The following ASB10 variants were observed in gnomAD, a reference collection of about 807,000 sequenced individuals.
The protein encoded by ASB10 is ankyrin repeat and SOCS box protein 10.
In ASB10, 44 loss-of-function variants were observed where a neutral mutation model predicts 35.4. The observed-to-expected ratio is 1.24, with a 90% CI of 0.98 to 1.60. The LOEUF (loss-of-function observed/expected upper bound fraction) is 1.60, where lower values mean the gene tolerates loss of function less well. Ranked by LOEUF, ASB10 falls within the 40% of genes most tolerant of loss-of-function variation. The pLI is 0.00. For missense variants in ASB10, 647 were observed against 634.3 expected (o/e 1.02, Z -0.22); for synonymous variants, 294 against 280.4 (o/e 1.05, Z -0.49).
chr7:151,176,406 A>G, intron 4 of ASB10, 109 bp from the exon 5 acceptor site: 1 of 1,463,744 alleles, frequency 6.8e-7, no homozygotes, highest in South Asian at 1.4e-5. Flanking sequence ...GAAGGAACCT[A>G]TTAGAAACAA....
Position 151,181,236 on chromosome 7 carries a change from G to A in ASB10, c.807C>T (p.Thr269=). The A allele has an allele frequency of 6.2e-7, 1 of 1,613,054 alleles. No homozygotes were observed. Among genetic ancestry groups the A allele is most frequent in the East Asian group, 2.2e-5 (1 of 44,884 alleles). Residue 269 remains threonine (T), a synonymous_variant, in exon 3 of 6, where the codon ACC becomes ACT. Transcript: ENST00000420175. The stretch of plus-strand genomic sequence containing the variant: ...TGCACAGCTGCAGGCAGCGGGCGGT[G>A]GTGGCCTCGGCATCGGTGATGGACT... The part of the protein sequence containing the change: ...RCQSITDAEA[T]TARCLQLCSL...
intron 3 of ASB10, 85 bp from the exon 4 acceptor site, chr7:151,176,761 T>G (rs566082040): frequency 5.6e-5 from 54 of 972,806 alleles, no homozygotes; most frequent in Non-Finnish European, 7.2e-5. Flanking sequence ...GGGTTGAACT[T>G]TGTTCCCCAA....
Position 151,186,647 on chromosome 7 carries a change from A to G in ASB10, c.329T>C (p.Leu110Pro), listed in dbSNP as rs1452628654. The G allele has an allele frequency of 3.1e-6, 5 of 1,609,614 alleles. No homozygotes were observed. The highest frequency in any genetic ancestry group is 4.2e-6 in the Non-Finnish European group (5 of 1,178,002). The change falls in exon 2 of 6, where the codon CTG becomes CCG. Residue 110 changes from leucine to proline, a missense_variant. Coordinates refer to ENST00000420175, the MANE Select transcript of ASB10 (RefSeq NM_001142459.2). ...FNIRALRLWS[L>P]TYEEELTTPL... is the part of the protein sequence containing the mutation. ...GGTGGTCAGCTCCTCTTCGTATGTCAGAGACCAGAGTCCTAGGGAGGGGAG... is the reference window on the plus strand; with the variant it reads ...GGTGGTCAGCTCCTCTTCGTATGTCGGAGACCAGAGTCCTAGGGAGGGGAG...
chr7:151,186,373 G>A lies in ASB10; in HGVS notation c.584+19C>T, dbSNP rs1036918501. The stretch of plus-strand genomic sequence containing the variant: ...TCCCTTCAGAGTGGAACTGGGGGTT[G>A]GGGTGAGGGGTCACTCACTCAAGGG... On this transcript the variant is annotated intron_variant, in intron 2 of 5. Coordinates refer to ENST00000420175, the MANE Select transcript of ASB10 (RefSeq NM_001142459.2). 2 of 1,567,886 alleles carry A rather than the reference G, an allele frequency of 1.3e-6. No individual in the cohort carries two copies. Among genetic ancestry groups the A allele is most frequent in the African/African-American group, 2.7e-5 (2 of 74,068 alleles).
intron 4 of ASB10, 117 bp from the exon 5 acceptor site, chr7:151,176,414 C>A (rs973687404): frequency 1.4e-6 from 2 of 1,461,264 alleles, no homozygotes; most frequent in Admixed American, 2.6e-5. Context: ...CTATTAGAAA[C>A]AATGAATGTT....
chr7:151,181,429 G>C lies in ASB10; in HGVS notation c.614C>G (p.Ala205Gly), dbSNP rs375044701. Residue 205 changes from alanine to glycine, a missense_variant, in exon 3 of 6, where the codon GCG (alanine) becomes GGG (glycine). Ala to Gly is a moderately conservative substitution (Grantham distance 60). Transcript: ENST00000420175. ...TTCCTCGGACCGACCATCCACTCTC[G>C]CTCCAAACCTGAGGAGCAGCTCCGC... ...ECAELLLRFG[A>G]RVDGRSEEEE... 1.2e-6 allele frequency: 2 copies of C among 1,603,306 alleles called. No homozygotes were observed. Among genetic ancestry groups the C allele is most frequent in the African/African-American group, 1.3e-5 (1 of 74,698 alleles).
At chr7:151,184,344 C>T (rs975149048) in intron 2 of ASB10, among the ~76,000 whole-genome samples, 3 of 149,852 alleles carry the variant, frequency 2.0e-5, no homozygotes, top group South Asian at 2.1e-4. Context: ...ACCCGGGAGG[C>T]GGAGCTTGCA....
intron 3 of ASB10, among the ~76,000 whole-genome samples, chr7:151,179,267 C>T (rs999284526): frequency 1.7e-4 from 26 of 152,220 alleles, no homozygotes; most frequent in Admixed American, 5.2e-4. Context: ...GGAGATTCAG[C>T]GACTTGCCGA....
intron 3 of ASB10, among the ~76,000 whole-genome samples, chr7:151,179,526 C>T (rs530539013): frequency 6.6e-6 from 1 of 152,328 alleles, no homozygotes; most frequent in Admixed American, 6.5e-5. Context: ...GCATCAAAGT[C>T]ACATCCTGGA....
Position 151,176,199 on chromosome 7 carries a change from G to T in ASB10, c.1317C>A (p.Gly439=). The T allele has an allele frequency of 6.2e-7, 1 of 1,610,574 alleles. No homozygotes were observed. Among genetic ancestry groups the T allele is most frequent in the Non-Finnish European group, 8.5e-7 (1 of 1,179,242 alleles). Residue 439 remains glycine (G), a synonymous_variant, in exon 5 of 6, where the codon GGC becomes GGA. Transcript: ENST00000420175. Reference sequence around the variant, plus strand: ...GGCGGGGCAGCGCTTGGGGCAGGCTGCCCTCCAGGTGGGAGCGGAGCGCAC... The same window carrying T: ...GGCGGGGCAGCGCTTGGGGCAGGCTTCCCTCCAGGTGGGAGCGGAGCGCAC... ...SRCALRSHLE[G]SLPQALPRLP...
At chr7:151,183,389 G>A (rs1259593950) in intron 2 of ASB10, among the ~76,000 whole-genome samples, 1 of 152,176 alleles carries the variant, frequency 6.6e-6, no homozygotes, top group Non-Finnish European at 1.5e-5. Context: ...CTAGGTGACT[G>A]AGAGAGACCC....
chr7:151,179,430 G>T (rs142803769), intron 3 of ASB10, among the ~76,000 whole-genome samples: 1 of 152,224 alleles, frequency 6.6e-6, no homozygotes, highest in Non-Finnish European at 1.5e-5. Flanking sequence ...TGCTCCGACT[G>T]TTCCCCAGTG....
At position 151,176,075 on chromosome 7, in the gene ASB10, C is replaced by T. The variant is rs1174892602; in HGVS notation, c.*37G>A. 3.1e-6 allele frequency: 5 copies of T among 1,601,726 alleles called. No homozygotes were observed. In the Admixed American group the frequency reaches 8.4e-5, roughly 27 times the overall value. The stretch of plus-strand genomic sequence containing the variant: ...TTGCCTTCCACACATCCCTGGACCC[C>T]AAGCAGCTGTGACTGCTCACAGATC... On this transcript the variant is annotated intron_variant, in intron 5 of 5. Coordinates refer to ENST00000420175, the MANE Select transcript of ASB10 (RefSeq NM_001142459.2).
At chr7:151,186,704 G>A (rs1276699253) in intron 1 of ASB10, 45 bp from the exon 2 acceptor site, 9 of 1,567,254 alleles carry the variant, frequency 5.7e-6, no homozygotes, top group Non-Finnish European at 7.8e-6. Context: ...GGAAGGCAGA[G>A]ACCTTCCAGC....
intron 2 of ASB10, among the ~76,000 whole-genome samples, chr7:151,184,043 C>T (rs1801541497): frequency 6.6e-6 from 1 of 152,114 alleles, no homozygotes; most frequent in Non-Finnish European, 1.5e-5. Flanking sequence ...CCCAAGTGTC[C>T]CTCAACGGGT....
intron 3 of ASB10, among the ~76,000 whole-genome samples, chr7:151,177,295 G>A (rs1431225516): frequency 2.6e-5 from 4 of 152,266 alleles, no homozygotes; most frequent in Non-Finnish European, 4.4e-5. Context: ...TGCAAGGGAT[G>A]GACTGTTAAT....
In ASB10 at chr7:151,181,431, T is replaced by A. The variant is rs1452213541; in HGVS notation, c.612A>T (p.Gly204=). ...CCTCGGACCGACCATCCACTCTCGCTCCAAACCTGAGGAGCAGCTCCGCAC... is the reference window on the plus strand; with the variant it reads ...CCTCGGACCGACCATCCACTCTCGCACCAAACCTGAGGAGCAGCTCCGCAC... The part of the protein sequence containing the change: ...LECAELLLRF[G]ARVDGRSEEE... The change falls in exon 3 of 6, where the codon GGA becomes GGT. Residue 204 remains glycine, a synonymous_variant. Transcript: ENST00000420175. The A allele has an allele frequency of 6.2e-7, 1 of 1,603,340 alleles. No homozygotes were observed. Among genetic ancestry groups the A allele is most frequent in the Admixed American group, 1.7e-5 (1 of 59,694 alleles).
chr7:151,176,455 G>A lies in ASB10; in HGVS notation c.1218+108C>T, dbSNP rs1045395097. The A allele has an allele frequency of 3.3e-5, 49 of 1,466,888 alleles. No individual in the cohort carries two copies. The African/African-American group carries it at 6.1e-4, about 18-fold the overall frequency. 90.9% of individuals were successfully genotyped at this position (1,466,888 alleles called of 1,614,324 possible). On this transcript the variant is annotated intron_variant, in intron 4 of 5. Transcript: ENST00000420175. ...GTTCACTCTGCAAGTTCTCTCTTCT[G>A]GGACATGAGTGCATCTTTGGGTACT...
intron 3 of ASB10, among the ~76,000 whole-genome samples, chr7:151,177,996 C>A (rs1255140987): frequency 6.6e-6 from 1 of 152,172 alleles, no homozygotes; most frequent in East Asian, 1.9e-4. Context: ...GCCTGTAATC[C>A]CAGCGCTTTG....
Sources: allele counts gnomAD v4.1 joint callset (sites outside exome capture counted in the v4.1 genomes callset), GRCh38; gene constraint gnomAD v4.1.1; transcripts MANE v1.5; gene names NCBI Gene and HGNC (gene_info 2026-07-23, HGNC 2026-07-21).